Variants in H6PD observed in about 807,000 individuals in gnomAD.
H6PD encodes GDH/6PGL endoplasmic bifunctional protein.
Under a neutral mutation model 61.2 loss-of-function variants are expected in H6PD, and 48 were observed. The ratio of observed to expected loss-of-function variants is 0.78; its 90% confidence interval spans 0.62 to 1.00. The LOEUF is 1.00. H6PD is among the 50% of genes least tolerant of loss of function. The pLI, the probability that H6PD is intolerant of heterozygous loss-of-function variation, is 0.00. For synonymous variants in H6PD, 480 were observed against 457.9 expected (o/e 1.05, Z -0.62); for missense variants, 1,093 against 1,065.0 (o/e 1.03, Z -0.37).
chr1:9,255,822 T>G (rs1333947902), intron 3 of H6PD, among the ~76,000 whole-genome samples: 3 of 152,326 alleles, frequency 2.0e-5, no homozygotes, highest in African/African-American at 7.2e-5. Context: ...TTGGAATCTC[T>G]GAGCTTTGCC....
At chr1:9,258,550 A>G (rs1448523398) in intron 3 of H6PD, among the ~76,000 whole-genome samples, 1 of 151,694 alleles carries the variant, frequency 6.6e-6, no homozygotes, top group African/African-American at 2.4e-5. Flanking sequence ...GTGTTGTTAC[A>G]TTGCTGTTAA....
At chr1:9,240,882 C>G (rs905767964) in intron 1 of H6PD, among the ~76,000 whole-genome samples, 5 of 152,092 alleles carry the variant, frequency 3.3e-5, no homozygotes, top group African/African-American at 1.2e-4. Flanking sequence ...AGGCTTGGAG[C>G]CCAGGAGATG....
intron 3 of H6PD, among the ~76,000 whole-genome samples, chr1:9,260,354 A>G (rs1297103632): frequency 6.7e-6 from 1 of 150,350 alleles, no homozygotes; most frequent in East Asian, 2.0e-4. Context: ...CTGTTGTTAC[A>G]CTGGTGTTGC....
chr1:9,248,107 G>A (rs985626678), intron 3 of H6PD, among the ~76,000 whole-genome samples: 8 of 152,322 alleles, frequency 5.3e-5, no homozygotes, highest in Non-Finnish European at 8.8e-5. Flanking sequence ...TGCTGCCAGC[G>A]CTGCGTCAGT....
chr1:9,242,582 A>T (rs1641030797), intron 1 of H6PD: 2 of 985,412 alleles, frequency 2.0e-6, no homozygotes, highest in Non-Finnish European at 2.4e-6. Flanking sequence ...GATTAAAGAG[A>T]GGGCCAGGAG....
chr1:9,270,706 A>C lies in H6PD; in HGVS notation c.*5837A>C, dbSNP rs1638719793. 6.6e-6 allele frequency: 1 copy of C among 152,398 alleles called. No individual in the cohort carries two copies. The allele number at this position is 152,398 out of a possible 1,614,324, so 9.4% of individuals were successfully genotyped here. A position where few individuals can be genotyped will look rare whatever the true frequency, so the allele number is the denominator to read the frequency against. ...GAACTAGACGGGCGGGGCCTGCTGC[A>C]TCTGGATCATGTTTCTGTGCTCTGC... is the stretch of plus-strand genomic sequence containing the variant. On this transcript the variant is annotated 3_prime_UTR_variant, in exon 5 of 5. Coordinates refer to ENST00000377403, the MANE Select transcript of H6PD (RefSeq NM_004285.4).
chr1:9,240,347 C>G (rs530518440), intron 1 of H6PD, among the ~76,000 whole-genome samples: 21 of 152,320 alleles, frequency 1.4e-4, no homozygotes, highest in African/African-American at 4.8e-4. Context: ...CTCTGTTTCC[C>G]TGCCTGGCTG....
chr1:9,264,629 C>T lies in H6PD; in HGVS notation c.2136C>T (p.Gly712=), dbSNP rs375067657. The T allele has an allele frequency of 1.9e-5, 30 of 1,612,928 alleles. No individual in the cohort carries two copies. The highest frequency in any genetic ancestry group is 2.4e-5 in the Non-Finnish European group (28 of 1,179,936). ...LFPQSPTGLD[G]EQLVVLTTSP... Reference sequence around the variant, plus strand: ...CACAGTCACCCACTGGCCTGGATGGCGAGCAGCTGGTCGTGCTGACCACGA... The same window carrying T: ...CACAGTCACCCACTGGCCTGGATGGTGAGCAGCTGGTCGTGCTGACCACGA... Residue 712 remains glycine, a synonymous_variant, in exon 5 of 5, where the codon GGC becomes GGT. Coordinates refer to ENST00000377403, the MANE Select transcript of H6PD (RefSeq NM_004285.4).
intron 3 of H6PD, among the ~76,000 whole-genome samples, chr1:9,251,784 C>T (rs1213628576): frequency 1.3e-5 from 2 of 152,168 alleles, no homozygotes; most frequent in African/African-American, 4.8e-5. Context: ...AGAGCACCAG[C>T]AAGCACACTG....
At chr1:9,258,064 C>T (rs1023687495) in intron 3 of H6PD, among the ~76,000 whole-genome samples, 1 of 152,210 alleles carries the variant, frequency 6.6e-6, no homozygotes, top group Non-Finnish European at 1.5e-5. Flanking sequence ...TCCTCACTCG[C>T]GGAGCAGGAG....
chr1:9,236,861 T>G (rs140481872), intron 1 of H6PD, among the ~76,000 whole-genome samples: 305 of 152,296 alleles, frequency 2.0e-3, no homozygotes, highest in Non-Finnish European at 3.8e-3. Flanking sequence ...AATATTCTTA[T>G]GTAACCAGTT....
chr1:9,238,737 G>A (rs935164862), intron 1 of H6PD, among the ~76,000 whole-genome samples: 4 of 152,186 alleles, frequency 2.6e-5, no homozygotes, highest in African/African-American at 7.2e-5. Context: ...GACTGCATGA[G>A]TCTGGAGTTT....
rs1638639471 is a variant in H6PD, at chr1:9,268,375, G to A, written c.*3506G>A. The A allele has an allele frequency of 6.6e-6, 1 of 152,238 alleles. No homozygotes were observed. Among genetic ancestry groups the A allele is most frequent in the South Asian group, 2.1e-4 (1 of 4,832 alleles). 9.4% of individuals were successfully genotyped at this position (152,238 alleles called of 1,614,324 possible). ...CTCTTCCTGGTCTGGAAGCCCTTGGGTCCTATGGTGGCGGCAGCTCCCACA... is the reference window on the plus strand; with the variant it reads ...CTCTTCCTGGTCTGGAAGCCCTTGGATCCTATGGTGGCGGCAGCTCCCACA... On this transcript the variant is annotated 3_prime_UTR_variant, in exon 5 of 5. Transcript: ENST00000377403.
At chr1:9,239,692 T>C (rs532693402) in intron 1 of H6PD, among the ~76,000 whole-genome samples, 3 of 152,304 alleles carry the variant, frequency 2.0e-5, no homozygotes, top group East Asian at 3.9e-4. Context: ...TGAAGAAAAT[T>C]TCCCTTCCTC....
At chr1:9,238,166 C>G (rs567910413) in intron 1 of H6PD, among the ~76,000 whole-genome samples, 1 of 152,060 alleles carries the variant, frequency 6.6e-6, no homozygotes, top group East Asian at 1.9e-4. Flanking sequence ...ACCACGTGGA[C>G]CTGGTGGGGG....
Position 9,265,861 on chromosome 1 carries a change from G to A in H6PD, c.*992G>A, listed in dbSNP as rs1282912649. 1 of 152,144 alleles carries A rather than the reference G, an allele frequency of 6.6e-6. No individual in the cohort carries two copies. The highest frequency in any genetic ancestry group is 1.5e-5 in the Non-Finnish European group (1 of 68,064). 9.4% of individuals were successfully genotyped at this position (152,144 alleles called of 1,614,324 possible). ...TGACTTGCTCTGCGTGGGGAGGTGG[G>A]GTCTCATTCCCCCAACTTCCTCAGG... On this transcript the variant is annotated 3_prime_UTR_variant, in exon 5 of 5. Transcript: ENST00000377403.
rs554201290 is a variant in H6PD at position 9,248,325 on chromosome 1, T to TTC, written c.745+1246_745+1247dup. ...CTTTTTCTTTCCCCCGCCCCTTGGT[T>TTC]TCTCTTCAGCTGCTTCTCCCTTCCT... On this transcript the variant is annotated intron_variant, in intron 3 of 4. Coordinates refer to ENST00000377403, the MANE Select transcript of H6PD (RefSeq NM_004285.4). 7.4e-3 allele frequency among the ~76,000 whole-genome samples: 1,135 copies of TTC among 152,350 alleles called. 11 individuals carry two copies. The highest frequency in any genetic ancestry group is 0.026 in the African/African-American group (1,075 of 41,576).
intron 1 of H6PD, among the ~76,000 whole-genome samples, chr1:9,244,278 TTACCC>T (rs1191490111): frequency 2.0e-5 from 3 of 152,186 alleles, no homozygotes; most frequent in African/African-American, 7.2e-5. Context: ...GGTACCGCTA[TTACCC>T]CCATTTCAGG....
chr1:9,238,382 CG>C (rs574004704), intron 1 of H6PD, among the ~76,000 whole-genome samples: 324 of 152,260 alleles, frequency 2.1e-3, no homozygotes, highest in Middle Eastern at 6.8e-3. Context: ...CTCTGACTGC[CG>C]TGTTGAGGCT....
Sources: gnomAD v4.1 joint callset for allele counts (sites outside exome capture counted in the v4.1 genomes callset) on GRCh38, gnomAD v4.1.1 for gene constraint, MANE v1.5 for transcripts, NCBI Gene and HGNC (gene_info 2026-07-23, HGNC 2026-07-21) for gene names.